Variants in DNAH1 observed in about 807,000 individuals in gnomAD.
DNAH1 encodes the protein axonemal beta dynein heavy chain 1.
DNAH1 carries 327 observed loss-of-function variants against 484.3 expected under a neutral mutation model. That is an observed-to-expected ratio of 0.68 (90% confidence interval 0.62 to 0.74). The LOEUF (loss-of-function observed/expected upper bound fraction) is 0.74, where lower values mean the gene tolerates loss of function less well. Ranked by LOEUF, DNAH1 falls within the 30% of genes least tolerant of loss-of-function variation. The pLI is 0.00. For missense variants in DNAH1, 5,052 were observed against 5,546.8 expected (o/e 0.91, Z 2.83); for synonymous variants, 2,192 against 2,191.9 (o/e 1.00, Z 0.00).
rs201682855 is a variant in DNAH1 at position 52,370,525 on chromosome 3, A to G, written c.6307A>G (p.Ile2103Val). 2.9e-5 allele frequency: 46 copies of G among 1,613,826 alleles called. No individual in the cohort carries two copies. The African/African-American group carries it at 5.7e-4, about 20-fold the overall frequency. The change falls in exon 40 of 78, where the codon ATC becomes GTC. Residue 2103 changes from isoleucine (I) to valine (V), a missense_variant. Transcript: ENST00000420323. ...SEKLSRIVEL[I>V]EPWFIFSLIW... Reference sequence around the variant, plus strand: ...AAAGCTGAGTCGCATCGTAGAGTTGATCGAGCCCTGGTTCATCTTCTCCCT... The same window carrying G: ...AAAGCTGAGTCGCATCGTAGAGTTGGTCGAGCCCTGGTTCATCTTCTCCCT...
In DNAH1 at chr3:52,361,203, T is replaced by C. The variant is rs1468364356; in HGVS notation, c.4725T>C (p.Phe1575=). ...LTLTGALHLK[F]GGAPAGPAGT... is the part of the protein sequence containing the mutation. ...TGACCGGAGCTCTGCACCTCAAGTTTGGGGGTGCCCCAGCTGGCCCAGCTG... is the reference window on the plus strand; with the variant it reads ...TGACCGGAGCTCTGCACCTCAAGTTCGGGGGTGCCCCAGCTGGCCCAGCTG... Residue 1575 remains phenylalanine (F), a synonymous_variant, in exon 29 of 78, where the codon TTT becomes TTC. Coordinates refer to ENST00000420323, the MANE Select transcript of DNAH1 (RefSeq NM_015512.5). This position sits in a 1 kb window ranked among gnomAD's most constrained non-coding sequence, Gnocchi z 5.6. 6.2e-7 allele frequency: 1 copy of C among 1,612,178 alleles called. No individual in the cohort carries two copies. Among genetic ancestry groups the C allele is most frequent in the Non-Finnish European group, 8.5e-7 (1 of 1,179,308 alleles).
rs1703979925 is a variant in DNAH1, at chr3:52,383,942, T to C, written c.8233T>C (p.Trp2745Arg). Reference protein sequence around the residue: ...NCCTIDWFNEWPAEALKSVAT... With the variant: ...NCCTIDWFNERPAEALKSVAT... ...CTGTACCATCGACTGGTTTAACGAG[T>C]GGCCGGCAGAAGCCCTGAAGTCTGT... Residue 2745 changes from tryptophan (W) to arginine (R), a missense_variant, in exon 52 of 78, where the codon TGG (tryptophan) becomes CGG (arginine). Trp to Arg is a moderately radical substitution (Grantham distance 101, BLOSUM62 -3). Coordinates refer to ENST00000420323, the MANE Select transcript of DNAH1 (RefSeq NM_015512.5). The C allele has an allele frequency of 6.2e-7, 1 of 1,613,008 alleles. No homozygotes were observed. Among genetic ancestry groups the C allele is most frequent in the Non-Finnish European group, 8.5e-7 (1 of 1,179,546 alleles).
intron 11 of DNAH1, 111 bp downstream of exon 11, chr3:52,346,881 A>G: frequency 8.2e-7 from 1 of 1,218,480 alleles, no homozygotes; most frequent in Non-Finnish European, 1.1e-6. Context: ...GCCAGGTCCC[A>G]GGCAGTAAGG....
chr3:52,385,531 C>T lies in DNAH1; in HGVS notation c.8625+84C>T. 10 of 1,120,118 alleles carry T rather than the reference C, an allele frequency of 8.9e-6. No individual in the cohort carries two copies. The East Asian group carries it at 2.3e-4, about 26-fold the overall frequency. The allele number at this position is 1,120,118 out of a possible 1,614,324, so 69.4% of individuals were successfully genotyped here. ...ACACAGGCGCAGGCTCGCTAGCTGC[C>T]TGGCCACTGCAAGTCATCTGGCCTC... On this transcript the variant is annotated intron_variant, in intron 54 of 77. Coordinates refer to ENST00000420323, the MANE Select transcript of DNAH1 (RefSeq NM_015512.5).
chr3:52,378,964 C>T (rs1220418654), intron 47 of DNAH1, among the ~76,000 whole-genome samples, 184 bp downstream of exon 47: 2 of 152,348 alleles, frequency 1.3e-5, no homozygotes, highest in East Asian at 3.9e-4. Context: ...GTTGAACCCA[C>T]ACCTGGAATG....
At chr3:52,384,550 C>T (rs541021295) in intron 52 of DNAH1, among the ~76,000 whole-genome samples, 2 of 152,210 alleles carry the variant, frequency 1.3e-5, no homozygotes, top group African/African-American at 2.4e-5. Flanking sequence ...CAGCCCAGCC[C>T]TTGACAGCTA....
chr3:52,398,659 A>C (rs1289993191), intron 75 of DNAH1, among the ~76,000 whole-genome samples, 191 bp from the exon 76 acceptor site: 1 of 151,954 alleles, frequency 6.6e-6, no homozygotes, highest in Non-Finnish European at 1.5e-5. Context: ...TCCGTAAGCT[A>C]TCCAAGTCCA....
At chr3:52,315,137 G>A (rs1233125760), upstream of DNAH1, among the ~76,000 whole-genome samples, 1 of 152,156 alleles carries the variant, frequency 6.6e-6, no homozygotes, top group East Asian at 1.9e-4. Context: ...GCAGTGAATC[G>A]TAGACCTCAC....
At position 52,326,714 on chromosome 3, in the gene DNAH1, C is replaced by T. The variant is rs577721877; in HGVS notation, c.582-21C>T. 1.9e-6 allele frequency: 3 copies of T among 1,561,586 alleles called. 1 individual carries two copies. The highest frequency in any genetic ancestry group is 2.4e-5 in the South Asian group (2 of 83,520). The stretch of plus-strand genomic sequence containing the variant: ...CACACGAGCCAAGCCATCCTGAGGT[C>T]CCCTCCCTGCCCTTGACCAGGAGGA... On this transcript the variant is annotated intron_variant, in intron 4 of 77. Coordinates refer to ENST00000420323, the MANE Select transcript of DNAH1 (RefSeq NM_015512.5).
intron 8 of DNAH1, among the ~76,000 whole-genome samples, chr3:52,343,313 G>A (rs1377189400): frequency 6.6e-6 from 1 of 152,166 alleles, no homozygotes; most frequent in African/African-American, 2.4e-5. Flanking sequence ...GCGTGGGAGG[G>A]AAGGCAAAGA....
chr3:52,395,586 A>G lies in DNAH1; in HGVS notation c.11167A>G (p.Arg3723Gly). ...AEAMMRSSIE[R>G]GKWVFFQNCH... Reference sequence around the variant, plus strand: ...AGCCATGATGCGCAGCTCCATAGAGAGGGGCAAATGGGTCTTCTTCCAGAA... The same window carrying G: ...AGCCATGATGCGCAGCTCCATAGAGGGGGGCAAATGGGTCTTCTTCCAGAA... The change falls in exon 70 of 78, where the codon AGG becomes GGG. Residue 3723 changes from arginine to glycine, a missense_variant. Arg to Gly is a moderately radical substitution (Grantham distance 125, BLOSUM62 -2). This residue lies in a region of DNAH1 where 853 missense variants were observed against 899.0 expected (regional missense o/e 0.95). Transcript: ENST00000420323. This position sits in a 1 kb window ranked among gnomAD's most constrained non-coding sequence, Gnocchi z 4.4. 3.1e-6 allele frequency: 5 copies of G among 1,613,780 alleles called. No individual in the cohort carries two copies. Among genetic ancestry groups the G allele is most frequent in the Non-Finnish European group, 4.2e-6 (5 of 1,179,880 alleles).
chr3:52,369,289 G>T (rs1279203767), intron 37 of DNAH1, among the ~76,000 whole-genome samples: 1 of 152,214 alleles, frequency 6.6e-6, no homozygotes, highest in Non-Finnish European at 1.5e-5. Flanking sequence ...GTGGGGTCAG[G>T]TGTGCACCTG....
At chr3:52,351,405 G>T (rs563392693) in intron 16 of DNAH1, among the ~76,000 whole-genome samples, 1 of 152,352 alleles carries the variant, frequency 6.6e-6, no homozygotes, top group South Asian at 2.1e-4. Flanking sequence ...GACCATCAGG[G>T]CCCTGCCCAG....
chr3:52,325,656 C>T (rs1701309935), intron 3 of DNAH1, among the ~76,000 whole-genome samples: 1 of 152,188 alleles, frequency 6.6e-6, no homozygotes, highest in Non-Finnish European at 1.5e-5. Context: ...GAGGGTCCTG[C>T]AGGGCTGGAG....
Position 52,358,120 on chromosome 3 carries a change from T to G in DNAH1, c.4086+117T>G, listed in dbSNP as rs1159962573. ...GAAATGTGGCAAATGACATTCCTGG[T>G]CTTTGGAGACACACCTGGGGCCTGT... On this transcript the variant is annotated intron_variant, in intron 24 of 77. Coordinates refer to ENST00000420323, the MANE Select transcript of DNAH1 (RefSeq NM_015512.5). This position sits in a 1 kb window ranked among gnomAD's most constrained non-coding sequence, Gnocchi z 4.2. The G allele has an allele frequency of 1.2e-6, 1 of 831,118 alleles. No homozygotes were observed. The highest frequency in any genetic ancestry group is 1.8e-6 in the Non-Finnish European group (1 of 545,902). The allele number at this position is 831,118 out of a possible 1,614,324, so 51.5% of individuals were successfully genotyped here.
In DNAH1 at chr3:52,399,696, T is replaced by C; in HGVS notation, c.12593T>C (p.Ile4198Thr). 6.2e-7 allele frequency: 1 copy of C among 1,614,012 alleles called. No individual in the cohort carries two copies. The highest frequency in any genetic ancestry group is 8.5e-7 in the Non-Finnish European group (1 of 1,179,886). The change falls in exon 77 of 78, where the codon ATC (isoleucine) becomes ACC (threonine). Residue 4198 changes from isoleucine (I) to threonine (T), a missense_variant. This residue lies in a region of DNAH1 where 853 missense variants were observed against 899.0 expected (regional missense o/e 0.95). Transcript: ENST00000420323. ...GAGCTGTACACAGAGATGGCCGTTA[T>C]CTGGCTCTTGCCAACACCCAACCGC... ...PKELYTEMAV[I>T]WLLPTPNRKA... is the part of the protein sequence containing the mutation.
Position 52,353,647 on chromosome 3 carries a change from A to G in DNAH1, c.3480+14A>G. On this transcript the variant is annotated intron_variant, in intron 20 of 77. Coordinates refer to ENST00000420323, the MANE Select transcript of DNAH1 (RefSeq NM_015512.5). The surrounding 1 kb of genome is among the most constrained non-coding windows in gnomAD (Gnocchi z 5.0). Reference sequence around the variant, plus strand: ...GCCATCGAGCAGGTGGGTAGCCACCAGCGGGCCCAGCCACTCCAGCCAGGC... The same window carrying G: ...GCCATCGAGCAGGTGGGTAGCCACCGGCGGGCCCAGCCACTCCAGCCAGGC... The G allele has an allele frequency of 6.4e-7, 1 of 1,560,678 alleles. No individual in the cohort carries two copies. The highest frequency in any genetic ancestry group is 8.7e-7 in the Non-Finnish European group (1 of 1,155,450).
chr3:52,355,024 A>C lies in DNAH1; in HGVS notation c.3662A>C (p.Asn1221Thr). The C allele has an allele frequency of 1.2e-6, 2 of 1,613,364 alleles. No homozygotes were observed. Among genetic ancestry groups the C allele is most frequent in the South Asian group, 1.1e-5 (1 of 91,060 alleles). ...AAGAAGCCCTTTGAGCAGCGCATCA[A>C]CTCCTGGGAGAACAAACTGAAGCTG... ...PYKKPFEQRI[N>T]SWENKLKLTQ... The change falls in exon 21 of 78, where the codon AAC becomes ACC. Residue 1221 changes from asparagine (N) to threonine (T), a missense_variant. Physicochemically the swap from Asn to Thr is moderately conservative, Grantham distance 65 (BLOSUM62 0). Transcript: ENST00000420323. This position sits in a 1 kb window ranked among gnomAD's most constrained non-coding sequence, Gnocchi z 4.5.
chr3:52,381,882 C>G lies in DNAH1; in HGVS notation c.7805+46C>G. The G allele has an allele frequency of 6.5e-7, 1 of 1,529,612 alleles. No individual in the cohort carries two copies. Among genetic ancestry groups the G allele is most frequent in the Non-Finnish European group, 8.8e-7 (1 of 1,135,122 alleles). The allele number at this position is 1,529,612 out of a possible 1,614,324, so 94.8% of individuals were successfully genotyped here. Reference sequence around the variant, plus strand: ...CTGGGCAGTGGGCGGCCAGGGCTGGCTGGTCGGTTTGACTGACCCATGCTT... The same window carrying G: ...CTGGGCAGTGGGCGGCCAGGGCTGGGTGGTCGGTTTGACTGACCCATGCTT... On this transcript the variant is annotated intron_variant, in intron 49 of 77. Coordinates refer to ENST00000420323, the MANE Select transcript of DNAH1 (RefSeq NM_015512.5). The surrounding 1 kb of genome is among the most constrained non-coding windows in gnomAD (Gnocchi z 4.1).
Sources: allele counts gnomAD v4.1 joint callset (sites outside exome capture counted in the v4.1 genomes callset), GRCh38; gene constraint gnomAD v4.1.1; regional missense constraint gnomAD v4.1.1; non-coding constraint Gnocchi (gnomAD v3.1); transcripts MANE v1.5; gene names NCBI Gene and HGNC (gene_info 2026-07-23, HGNC 2026-07-21).